The following CLCN3 variants were observed in gnomAD, a reference collection of about 807,000 sequenced individuals.
CLCN3 encodes H(+)/Cl(-) exchange transporter 3.
A neutral mutation model predicts 83.4 loss-of-function variants in CLCN3; 16 were observed. The ratio of observed to expected loss-of-function variants is 0.19; its 90% CI spans 0.13 to 0.29. The LOEUF is 0.29. Among genes scored for constraint, CLCN3 ranks in the 10% least tolerant of loss-of-function variants. CLCN3 has a pLI of 1.00. For synonymous variants in CLCN3, 322 were observed against 346.2 expected (o/e 0.93, Z 0.78); for missense variants, 544 against 1,006.0 (o/e 0.54, Z 6.21).
intron 2 of CLCN3, among the ~76,000 whole-genome samples, chr4:169,671,750 G>A (rs1345853848): frequency 6.6e-6 from 1 of 152,166 alleles, no homozygotes; most frequent in Admixed American, 6.5e-5. Flanking sequence ...CTGAATTGGT[G>A]TGGGGAAGGT....
Position 169,620,918 on chromosome 4 carries a change from T to A in CLCN3, c.-162T>A, listed in dbSNP as rs1773095333. On this transcript the variant is annotated 5_prime_UTR_variant, in exon 1 of 13. Transcript: ENST00000513761. ...CCTCTGCGGTAGAAAACGTCAGGTA[T>A]CTTTTAAATCGCGATAGTTTTCGCT... 2.5e-6 allele frequency: 1 copy of A among 398,380 alleles called. No homozygotes were observed. The allele number at this position is 398,380 out of a possible 1,614,324, so 24.7% of individuals were successfully genotyped here. A position where few individuals can be genotyped will look rare whatever the true frequency, so the allele number is the denominator to read the frequency against.
chr4:169,660,669 G>A (rs886784082), intron 2 of CLCN3, among the ~76,000 whole-genome samples: 2 of 152,086 alleles, frequency 1.3e-5, no homozygotes, highest in African/African-American at 4.8e-5. Context: ...AGATCACGTC[G>A]GGCTCCGACT....
At chr4:169,638,087 A>C (rs901875478) in intron 2 of CLCN3, among the ~76,000 whole-genome samples, 2 of 151,892 alleles carry the variant, frequency 1.3e-5, no homozygotes, top group Admixed American at 1.3e-4. Flanking sequence ...ACCATCCTCT[A>C]TTTGTTTTCT....
At chr4:169,709,344 C>A (rs1351966206) in intron 11 of CLCN3, among the ~76,000 whole-genome samples, 1 of 151,406 alleles carries the variant, frequency 6.6e-6, no homozygotes, top group Non-Finnish European at 1.5e-5. Flanking sequence ...AATGAGATGT[C>A]TCAGATTAAG....
intron 2 of CLCN3, among the ~76,000 whole-genome samples, chr4:169,676,162 C>A (rs548325231): frequency 7.9e-5 from 12 of 152,206 alleles, no homozygotes; most frequent in African/African-American, 2.6e-4. Context: ...CTACACCTGG[C>A]CCTTTTTTAA....
chr4:169,660,077 A>G, intron 2 of CLCN3: 1 of 1,029,568 alleles, frequency 9.7e-7, no homozygotes, highest in Non-Finnish European at 1.2e-6. Flanking sequence ...TGTGTGTTGT[A>G]CTTGGAGCTT....
intron 10 of CLCN3, 111 bp downstream of exon 10, chr4:169,704,295 G>A (rs1366354009): frequency 1.1e-6 from 1 of 883,962 alleles, no homozygotes; most frequent in East Asian, 2.6e-5. Flanking sequence ...AGTAAAGGAG[G>A]GTGCCAGGAG....
At chr4:169,645,980 A>G (rs963884022) in intron 2 of CLCN3, among the ~76,000 whole-genome samples, 38 of 152,100 alleles carry the variant, frequency 2.5e-4, no homozygotes, top group African/African-American at 8.2e-4. Flanking sequence ...GTTAGTTTGT[A>G]AGTAATTTAT....
chr4:169,632,895 T>G (rs1773414326), intron 1 of CLCN3, among the ~76,000 whole-genome samples: 1 of 152,004 alleles, frequency 6.6e-6, no homozygotes. Flanking sequence ...AAAAAAACTG[T>G]GCTGGCTGCA....
chr4:169,623,888 T>C (rs13152741), intron 1 of CLCN3, among the ~76,000 whole-genome samples: 25,821 of 152,248 alleles, frequency 0.17, 2,841 homozygotes, highest in South Asian at 0.31. Flanking sequence ...TCTGTATATA[T>C]ATTACATTTT....
At chr4:169,625,303 A>G (rs1274507812) in intron 1 of CLCN3, among the ~76,000 whole-genome samples, 2 of 152,110 alleles carry the variant, frequency 1.3e-5, no homozygotes, top group African/African-American at 4.8e-5. Flanking sequence ...AGCTTAACAG[A>G]GAGTTGACTG....
chr4:169,665,646 T>C (rs1354275477), intron 2 of CLCN3, among the ~76,000 whole-genome samples: 1 of 152,034 alleles, frequency 6.6e-6, no homozygotes, highest in African/African-American at 2.4e-5. Context: ...GCTCTTAACA[T>C]ACAGAAGCAA....
intron 2 of CLCN3, among the ~76,000 whole-genome samples, chr4:169,665,307 T>A (rs937708651): frequency 3.9e-5 from 6 of 152,218 alleles, no homozygotes; most frequent in African/African-American, 1.4e-4. Flanking sequence ...TGTGTATCTT[T>A]GGTAAACTTC....
intron 2 of CLCN3, among the ~76,000 whole-genome samples, chr4:169,659,026 C>T (rs574296654): frequency 1.3e-5 from 2 of 152,254 alleles, no homozygotes; most frequent in African/African-American, 2.4e-5. Context: ...CTCTCACCTC[C>T]AATTTTCATG....
At chr4:169,702,905 T>C (rs769928912) in intron 9 of CLCN3, 5 of 197,112 alleles carry the variant, frequency 2.5e-5, no homozygotes, top group African/African-American at 4.5e-5. Context: ...AGTTGTACAC[T>C]TAGAGACCAT....
intron 1 of CLCN3, among the ~76,000 whole-genome samples, chr4:169,629,552 G>A (rs1185011043): frequency 1.3e-5 from 2 of 152,058 alleles, no homozygotes. Flanking sequence ...TGTATTTTTA[G>A]TAGAGACGGG....
At chr4:169,655,225 C>G (rs548524627) in intron 2 of CLCN3, among the ~76,000 whole-genome samples, 2 of 152,190 alleles carry the variant, frequency 1.3e-5, no homozygotes, top group South Asian at 4.1e-4. Flanking sequence ...AACTCTTGAA[C>G]TGTATAGTTG....
intron 4 of CLCN3, among the ~76,000 whole-genome samples, chr4:169,688,372 A>G (rs1423639479): frequency 6.6e-6 from 1 of 152,244 alleles, no homozygotes; most frequent in Non-Finnish European, 1.5e-5. Context: ...CTGAAAACAA[A>G]TATTAAGCAC....
At chr4:169,660,502 G>A (rs980562537) in intron 2 of CLCN3, 9 of 1,233,466 alleles carry the variant, frequency 7.3e-6, no homozygotes, top group Admixed American at 4.0e-5. Context: ...GCATGCGGCT[G>A]GGCGGTCCTC....
Sources: gnomAD v4.1 joint callset for allele counts (sites outside exome capture counted in the v4.1 genomes callset) on GRCh38, gnomAD v4.1.1 for gene constraint, MANE v1.5 for transcripts, NCBI Gene and HGNC (gene_info 2026-07-23, HGNC 2026-07-21) for gene names.